The following QTMAN variants were observed in gnomAD, a reference collection of about 807,000 sequenced individuals.
The protein encoded by QTMAN is queuosine-tRNA mannosyltransferase.
chr2:144,199,324 C>G, the QTMAN span, among the ~76,000 whole-genome samples: 1 of 152,172 alleles, frequency 6.6e-6, no homozygotes, highest in African/African-American at 2.4e-5. Context: ...ATTGGGATTA[C>G]AGGCGTGAGC....
the QTMAN span, among the ~76,000 whole-genome samples, chr2:144,327,488 T>A: frequency 5.9e-5 from 9 of 152,286 alleles, no homozygotes; most frequent in African/African-American, 1.7e-4. Flanking sequence ...ATGGGAGACA[T>A]CCTTAAGTGT....
the QTMAN span, among the ~76,000 whole-genome samples, chr2:144,028,885 C>T: frequency 6.6e-6 from 1 of 152,140 alleles, no homozygotes; most frequent in Non-Finnish European, 1.5e-5. Flanking sequence ...TTAAATTTCC[C>T]TCTCACTAAA....
chr2:144,018,910 G>A, the QTMAN span, among the ~76,000 whole-genome samples: 1 of 152,170 alleles, frequency 6.6e-6, no homozygotes, highest in Non-Finnish European at 1.5e-5. Context: ...CTTCAGCTGT[G>A]ACCTCCATGA....
the QTMAN span, among the ~76,000 whole-genome samples, chr2:144,241,850 A>AC: frequency 6.7e-6 from 1 of 150,186 alleles, no homozygotes; most frequent in Non-Finnish European, 1.5e-5. Flanking sequence ...TTAAAATACA[A>AC]AAAAAAAAAT....
the QTMAN span, among the ~76,000 whole-genome samples, chr2:144,192,809 G>A: frequency 6.6e-6 from 1 of 152,136 alleles, no homozygotes; most frequent in African/African-American, 2.4e-5. Flanking sequence ...TTTCTCTTGT[G>A]AACAAGAAAC....
At chr2:144,106,117 G>A in the QTMAN span, among the ~76,000 whole-genome samples, 5 of 152,268 alleles carry the variant, frequency 3.3e-5, no homozygotes, top group South Asian at 1.0e-3. Flanking sequence ...ACTATACATG[G>A]AAAGGAACAA....
At chr2:144,191,010 G>A in the QTMAN span, among the ~76,000 whole-genome samples, 12 of 152,260 alleles carry the variant, frequency 7.9e-5, no homozygotes, top group East Asian at 9.6e-4. Flanking sequence ...TAGAAAGTTC[G>A]TGTCTAATGA....
the QTMAN span, among the ~76,000 whole-genome samples, chr2:144,195,869 C>T: frequency 6.6e-6 from 1 of 152,014 alleles, no homozygotes; most frequent in Non-Finnish European, 1.5e-5. Flanking sequence ...AAAATAACTG[C>T]ATAATCCTAA....
At chr2:144,134,223 C>G in the QTMAN span, among the ~76,000 whole-genome samples, 1 of 152,062 alleles carries the variant, frequency 6.6e-6, no homozygotes, top group East Asian at 1.9e-4. Context: ...CTTCAAAAAG[C>G]CCTTAGGCGC....
At chr2:144,022,570 T>C in the QTMAN span, among the ~76,000 whole-genome samples, 16 of 145,008 alleles carry the variant, frequency 1.1e-4, no homozygotes, top group African/African-American at 4.1e-4. Flanking sequence ...CTTTTTTTTT[T>C]TTTTTTTTTT....
the QTMAN span, among the ~76,000 whole-genome samples, chr2:144,247,310 A>G: frequency 6.6e-6 from 1 of 152,266 alleles, no homozygotes; most frequent in African/African-American, 2.4e-5. Context: ...AAGAATTATT[A>G]AGAGGGACAA....
the QTMAN span, among the ~76,000 whole-genome samples, chr2:144,047,718 C>T: frequency 6.6e-6 from 1 of 152,122 alleles, no homozygotes; most frequent in Non-Finnish European, 1.5e-5. Flanking sequence ...GTTTATTATT[C>T]TTATCTATTC....
the QTMAN span, among the ~76,000 whole-genome samples, chr2:144,257,087 GA>G: frequency 0.05 from 6,477 of 128,660 alleles, 204 homozygotes; most frequent in South Asian, 0.12. Flanking sequence ...GAAACAAACT[GA>G]AAAAAAAAAA....
At chr2:144,141,908 A>G in the QTMAN span, 1 of 1,611,342 alleles carries the variant, frequency 6.2e-7, no homozygotes, top group Non-Finnish European at 8.5e-7. Context: ...ACCTGATGGG[A>G]AAGTAAATAA....
the QTMAN span, among the ~76,000 whole-genome samples, chr2:143,952,246 T>C: frequency 1.3e-5 from 2 of 151,764 alleles, no homozygotes; most frequent in East Asian, 3.9e-4. Flanking sequence ...TAATGCTAAA[T>C]AAGACTGTGT....
chr2:144,317,060 C>T, the QTMAN span, among the ~76,000 whole-genome samples: 1 of 152,178 alleles, frequency 6.6e-6, no homozygotes, highest in East Asian at 1.9e-4. Flanking sequence ...TAACAAGCCA[C>T]TGTATTCCAT....
the QTMAN span, among the ~76,000 whole-genome samples, chr2:144,045,049 T>G: frequency 6.6e-6 from 1 of 152,252 alleles, no homozygotes; most frequent in African/African-American, 2.4e-5. Context: ...ACTGTAGTTA[T>G]ACTCAAATAC....
At chr2:144,067,131 T>A in the QTMAN span, among the ~76,000 whole-genome samples, 1 of 152,216 alleles carries the variant, frequency 6.6e-6, no homozygotes, top group East Asian at 1.9e-4. Flanking sequence ...GATGGTCTTT[T>A]TAATCTCCAT....
At chr2:144,296,543 C>T in the QTMAN span, among the ~76,000 whole-genome samples, 8 of 152,118 alleles carry the variant, frequency 5.3e-5, no homozygotes, top group African/African-American at 1.9e-4. Flanking sequence ...CACACAAAAA[C>T]AATCACTTAC....
Sources: gnomAD v4.1 joint callset for allele counts (sites outside exome capture counted in the v4.1 genomes callset) on GRCh38, gnomAD v4.1.1 for gene constraint, MANE v1.5 for transcripts, NCBI Gene and HGNC (gene_info 2026-07-23, HGNC 2026-07-21) for gene names.